The following EEIG1 variants were observed in gnomAD, a reference collection of about 807,000 sequenced individuals.
EEIG1 encodes the protein estrogen-induced osteoclastogenesis regulator 1.
the EEIG1 span, chr9:127,950,583 G>T: frequency 1.4e-5 from 23 of 1,599,024 alleles, no homozygotes; most frequent in African/African-American, 2.7e-5. Flanking sequence ...GGGAGTGTGG[G>T]CTCCTGGCTG....
the EEIG1 span, among the ~76,000 whole-genome samples, chr9:127,977,295 C>A: frequency 4.6e-5 from 7 of 152,164 alleles, no homozygotes; most frequent in Non-Finnish European, 5.9e-5. Context: ...AGGCCCCTTG[C>A]CAGGAGGAAG....
At chr9:127,945,286 T>C in the EEIG1 span, 3 of 1,137,926 alleles carry the variant, frequency 2.6e-6, no homozygotes, top group Non-Finnish European at 3.7e-6. The surrounding 1 kb of genome is among the most constrained non-coding windows in gnomAD (Gnocchi z 6.5). Flanking sequence ...ACGGTCCCTG[T>C]GTTATAGGTA....
At chr9:127,975,321 C>T in the EEIG1 span, among the ~76,000 whole-genome samples, 2 of 152,166 alleles carry the variant, frequency 1.3e-5, no homozygotes, top group African/African-American at 2.4e-5. Context: ...TGGGCGGCCA[C>T]GCGCCCACCA....
At chr9:127,977,503 C>T in the EEIG1 span, among the ~76,000 whole-genome samples, 1 of 152,160 alleles carries the variant, frequency 6.6e-6, no homozygotes, top group Non-Finnish European at 1.5e-5. Context: ...AGACCCTGTC[C>T]CCACTCCCAG....
the EEIG1 span, among the ~76,000 whole-genome samples, chr9:127,962,949 C>T: frequency 3.3e-5 from 5 of 152,124 alleles, no homozygotes; most frequent in Admixed American, 6.5e-5. Flanking sequence ...CAGGTCTGGG[C>T]TACAGAACTG....
At chr9:127,942,919 T>C in the EEIG1 span, 1 of 504,644 alleles carries the variant, frequency 2.0e-6, no homozygotes, top group South Asian at 2.2e-5. Flanking sequence ...GCCCACAAGC[T>C]GCACGGGCCC....
chr9:127,974,526 C>T, the EEIG1 span, among the ~76,000 whole-genome samples: 15 of 152,230 alleles, frequency 9.9e-5, no homozygotes, highest in African/African-American at 3.6e-4. Flanking sequence ...TCACTTCTTC[C>T]AGGAAGCTCT....
the EEIG1 span, among the ~76,000 whole-genome samples, chr9:127,979,061 C>T: frequency 1.5e-3 from 227 of 152,202 alleles, 3 homozygotes; most frequent in African/African-American, 5.2e-3. Context: ...AAGTCGTCCA[C>T]GCTGGTCTTG....
At chr9:127,969,842 G>A in the EEIG1 span, among the ~76,000 whole-genome samples, 10 of 152,202 alleles carry the variant, frequency 6.6e-5, no homozygotes, top group South Asian at 2.1e-4. Context: ...CCAGGCTTCC[G>A]GGCACCCAAA....
the EEIG1 span, among the ~76,000 whole-genome samples, chr9:127,975,801 T>A: frequency 6.6e-6 from 1 of 151,898 alleles, no homozygotes; most frequent in Non-Finnish European, 1.5e-5. Context: ...CTTGGGTGTT[T>A]GAGATTCTTC....
the EEIG1 span, among the ~76,000 whole-genome samples, chr9:127,951,716 C>G: frequency 6.7e-6 from 1 of 149,880 alleles, no homozygotes; most frequent in South Asian, 2.1e-4. Context: ...ACTCAGGAGG[C>G]TGAGGCAGGA....
At chr9:127,950,676 A>G in the EEIG1 span, 71 of 1,444,838 alleles carry the variant, frequency 4.9e-5, no homozygotes, top group African/African-American at 5.7e-5. Context: ...GCCTCGACTG[A>G]CTGTTGCATA....
At chr9:127,945,012 C>T in the EEIG1 span, 4,344 of 1,275,650 alleles carry the variant, frequency 3.4e-3, 16 homozygotes, top group South Asian at 0.013. The surrounding 1 kb of genome is among the most constrained non-coding windows in gnomAD (Gnocchi z 6.5). Context: ...TGTCCCTGTG[C>T]GCTCCGTGCT....
the EEIG1 span, among the ~76,000 whole-genome samples, chr9:127,978,220 C>T: frequency 6.6e-6 from 1 of 152,216 alleles, no homozygotes; most frequent in East Asian, 1.9e-4. Context: ...CCTGGCTGTG[C>T]AGTTCCCCTC....
At chr9:127,948,493 C>T in the EEIG1 span, 1 of 1,456,672 alleles carries the variant, frequency 6.9e-7, no homozygotes, top group Non-Finnish European at 9.6e-7. Flanking sequence ...AGCCTTTCGG[C>T]TCTGGCCTCA....
the EEIG1 span, chr9:127,945,262 G>T: frequency 1.0e-6 from 1 of 957,882 alleles, no homozygotes; most frequent in Non-Finnish European, 1.5e-6. This position sits in a 1 kb window ranked among gnomAD's most constrained non-coding sequence, Gnocchi z 6.5. Context: ...CCAACCCTCT[G>T]AGGTGGGGAC....
At chr9:127,948,147 G>A in the EEIG1 span, 1 of 1,613,956 alleles carries the variant, frequency 6.2e-7, no homozygotes, top group Non-Finnish European at 8.5e-7. Context: ...CCCCACTGCT[G>A]GTCCCACCAC....
At chr9:127,971,128 G>A in the EEIG1 span, among the ~76,000 whole-genome samples, 8 of 152,136 alleles carry the variant, frequency 5.3e-5, no homozygotes, top group Admixed American at 4.6e-4. Flanking sequence ...CCAGACTTCC[G>A]CCCTCCCTGA....
chr9:127,969,747 T>G, the EEIG1 span, among the ~76,000 whole-genome samples: 1 of 152,058 alleles, frequency 6.6e-6, no homozygotes, highest in Non-Finnish European at 1.5e-5. Flanking sequence ...AGTTACTGCC[T>G]CATAAACAAG....
Sources: gnomAD v4.1 joint callset for allele counts (sites outside exome capture counted in the v4.1 genomes callset) on GRCh38, gnomAD v4.1.1 for gene constraint, Gnocchi (gnomAD v3.1) non-coding constraint, MANE v1.5 for transcripts, NCBI Gene and HGNC (gene_info 2026-07-23, HGNC 2026-07-21) for gene names.